Variants in CFAP44 observed in about 807,000 individuals in gnomAD.
The protein encoded by CFAP44 is cilia and flagella associated protein 44.
A neutral mutation model predicts 216.2 loss-of-function variants in CFAP44; 134 were observed. The ratio of observed to expected loss-of-function variants is 0.62; its 90% confidence interval spans 0.54 to 0.72. CFAP44 has a LOEUF of 0.72. Ranked by LOEUF, CFAP44 falls within the 30% of genes least tolerant of loss-of-function variation. The pLI is 0.00. For synonymous variants in CFAP44, 700 were observed against 727.6 expected, an observed-to-expected ratio of 0.96 and a Z score of 0.61; for missense variants, 2,035 against 2,182.1, an observed-to-expected ratio of 0.93 and a Z score of 1.34.
At chr3:113,332,055 A>G (rs530177881) in intron 25 of CFAP44, among the ~76,000 whole-genome samples, 1 of 152,320 alleles carries the variant, frequency 6.6e-6, no homozygotes, top group East Asian at 1.9e-4. Context: ...GACTTGTAGA[A>G]AAAGGTGTTC....
intron 22 of CFAP44, among the ~76,000 whole-genome samples, chr3:113,351,566 C>T (rs1950445026): frequency 6.6e-6 from 1 of 152,230 alleles, no homozygotes; most frequent in Non-Finnish European, 1.5e-5. Flanking sequence ...ACCTAGATCT[C>T]CTCACTGCTG....
intron 2 of CFAP44, among the ~76,000 whole-genome samples, chr3:113,430,927 G>A (rs557323565): frequency 7.9e-5 from 12 of 152,176 alleles, no homozygotes; most frequent in Admixed American, 4.6e-4. Context: ...CTTCACCATC[G>A]TGAGAAATGA....
intron 17 of CFAP44, among the ~76,000 whole-genome samples, chr3:113,375,168 G>A (rs1378589602): frequency 6.6e-6 from 1 of 151,360 alleles, no homozygotes; most frequent in Non-Finnish European, 1.5e-5. Flanking sequence ...GTTGCCAGGG[G>A]CTGAGAGAAG....
intron 2 of CFAP44, 108 bp downstream of exon 2, chr3:113,433,451 AAAAAAG>A: frequency 2.2e-6 from 1 of 459,366 alleles, no homozygotes; most frequent in Non-Finnish European, 3.6e-6. Flanking sequence ...AAAAAAAAAA[AAAAAAG>A]ATCTATTTTA....
chr3:113,373,350 A>G (rs1463640), intron 18 of CFAP44, 61 bp downstream of exon 18: 403,142 of 1,345,424 alleles, frequency 0.3, 63,867 homozygotes, highest in East Asian at 0.62. Context: ...ATCCATGATG[A>G]ACAAAAGCAT....
At chr3:113,365,193 C>G (rs1272518214) in intron 19 of CFAP44, among the ~76,000 whole-genome samples, 1 of 152,090 alleles carries the variant, frequency 6.6e-6, no homozygotes, top group East Asian at 1.9e-4. Flanking sequence ...CATATACTTT[C>G]CCTCCTGCAA....
At chr3:113,303,558 C>T (rs1189967092) in intron 32 of CFAP44, among the ~76,000 whole-genome samples, 1 of 152,042 alleles carries the variant, frequency 6.6e-6, no homozygotes, top group Non-Finnish European at 1.5e-5. Flanking sequence ...TGGTGAACCC[C>T]GAGGAAGGAG....
chr3:113,403,740 T>C, intron 9 of CFAP44, 112 bp downstream of exon 9: 1 of 1,206,304 alleles, frequency 8.3e-7, no homozygotes, highest in African/African-American at 1.6e-5. Flanking sequence ...GCCTTGGGAG[T>C]AAATGACTAC....
At chr3:113,358,613 T>C in intron 22 of CFAP44, 132 bp downstream of exon 22, 1 of 1,159,484 alleles carries the variant, frequency 8.6e-7, no homozygotes, top group South Asian at 2.3e-5. Context: ...GACAAGAGGA[T>C]TCCTTGAGAT....
At chr3:113,418,105 A>C (rs1934699846) in intron 5 of CFAP44, among the ~76,000 whole-genome samples, 1 of 144,448 alleles carries the variant, frequency 6.9e-6, no homozygotes, top group Non-Finnish European at 1.5e-5. Flanking sequence ...CAATTTATTT[A>C]TTGAGACTCT....
At chr3:113,311,711 G>A (rs1950040339) in intron 28 of CFAP44, among the ~76,000 whole-genome samples, 1 of 152,128 alleles carries the variant, frequency 6.6e-6, no homozygotes. Flanking sequence ...GGCAGAGGTT[G>A]GAACAGTTTG....
rs16860854 is a variant in CFAP44, at chr3:113,333,843, A to G, written c.3438-260T>C. On this transcript the variant is annotated intron_variant, in intron 24 of 34. Coordinates refer to ENST00000393845, the MANE Select transcript of CFAP44 (RefSeq NM_001164496.2). ...TACTGAAATAATCTGAATTACTGGTAGGCTTTGGTTCACTTCTAAGTAATT... is the reference window on the plus strand; with the variant it reads ...TACTGAAATAATCTGAATTACTGGTGGGCTTTGGTTCACTTCTAAGTAATT... Among the ~76,000 whole-genome samples the G allele has an allele frequency of 8.9e-3, 1,354 of 152,272 alleles. 17 individuals carry two copies. The highest frequency in any genetic ancestry group is 0.03 in the African/African-American group (1,264 of 41,550).
rs747556453 is a variant in CFAP44, at chr3:113,330,210, G to T, written c.4074C>A (p.Asp1358Glu). The change falls in exon 26 of 35, where the codon GAC (aspartate) becomes GAA (glutamate). Residue 1358 changes from aspartate to glutamate, a missense_variant. By Grantham distance (45) the Asp-to-Glu change is conservative. Transcript: ENST00000393845. ...GTTGCATGTACACGTGTTTAATCTCGTCTCTCTTCATAATTTCCAGCTCCA... is the reference window on the plus strand; with the variant it reads ...GTTGCATGTACACGTGTTTAATCTCTTCTCTCTTCATAATTTCCAGCTCCA... ...TDVELEIMKR[D>E]EIKHVYMQQY... The T allele has an allele frequency of 2.6e-6, 4 of 1,537,300 alleles. 1 individual carries two copies. The South Asian group carries it at 4.8e-5, about 18-fold the overall frequency.
chr3:113,420,085 G>A lies in CFAP44; in HGVS notation c.502C>T (p.Leu168=). The A allele has an allele frequency of 1.2e-6, 2 of 1,613,940 alleles. No homozygotes were observed. The highest frequency in any genetic ancestry group is 1.7e-6 in the Non-Finnish European group (2 of 1,179,926). The change falls in exon 5 of 35, where the codon CTG becomes TTG. Residue 168 remains leucine, a synonymous_variant. Coordinates refer to ENST00000393845, the MANE Select transcript of CFAP44 (RefSeq NM_001164496.2). ...IYIAGNQLIF[L]NLKTKEQIYL... ...ATCTGTTCCTTGGTTTTCAAATTCAGAAAGATCAGTTGGTTCCCAGCTATG... is the reference window on the plus strand; with the variant it reads ...ATCTGTTCCTTGGTTTTCAAATTCAAAAAGATCAGTTGGTTCCCAGCTATG...
chr3:113,351,532 C>T (rs1950444711), intron 22 of CFAP44, among the ~76,000 whole-genome samples: 1 of 152,224 alleles, frequency 6.6e-6, no homozygotes, highest in South Asian at 2.1e-4. Flanking sequence ...TCTTTGGCAG[C>T]AGTGACTCTC....
At chr3:113,320,423 A>ATATATATGATATATG (rs1559910286) in intron 28 of CFAP44, among the ~76,000 whole-genome samples, 1 of 137,800 alleles carries the variant, frequency 7.3e-6, no homozygotes, top group African/African-American at 2.6e-5. Context: ...TGATATATAT[A>ATATATATGATATATG]TGATATATAT....
intron 28 of CFAP44, among the ~76,000 whole-genome samples, chr3:113,324,843 T>C (rs1950175724): frequency 6.6e-6 from 1 of 152,150 alleles, no homozygotes. Flanking sequence ...AAACCCACAA[T>C]TACTTTTGCA....
rs1339009873 is a variant in CFAP44 at position 113,291,549 on chromosome 3, T to C, written c.*8A>G. Reference sequence around the variant, plus strand: ...GAAATCTTGTATGGGTTTGAGAAAATAGCAAACTCAAAGGTCTGCGGGCTG... The same window carrying C: ...GAAATCTTGTATGGGTTTGAGAAAACAGCAAACTCAAAGGTCTGCGGGCTG... On this transcript the variant is annotated 3_prime_UTR_variant, in exon 35 of 35. Coordinates refer to ENST00000393845, the MANE Select transcript of CFAP44 (RefSeq NM_001164496.2). 5 of 1,533,602 alleles carry C rather than the reference T, an allele frequency of 3.3e-6. No homozygotes were observed. Among genetic ancestry groups the C allele is most frequent in the Admixed American group, 2.0e-5 (1 of 50,876 alleles). 95.0% of individuals were successfully genotyped at this position (1,533,602 alleles called of 1,614,324 possible).
At chr3:113,354,084 C>CAAAAAAA (rs35767090) in intron 22 of CFAP44, among the ~76,000 whole-genome samples, 1 of 128,482 alleles carries the variant, frequency 7.8e-6, no homozygotes. Context: ...AGGCAAGCCT[C>CAAAAAAA]AAAAAAAAAA....
Sources: gnomAD v4.1 joint callset for allele counts (sites outside exome capture counted in the v4.1 genomes callset) on GRCh38, gnomAD v4.1.1 for gene constraint, MANE v1.5 for transcripts, NCBI Gene and HGNC (gene_info 2026-07-23, HGNC 2026-07-21) for gene names.